The following THSD4 variants were observed in gnomAD, a reference collection of about 807,000 sequenced individuals.
THSD4 encodes the protein thrombospondin type 1 domain containing 4, also known as thrombospondin type-1 domain-containing protein 4.
A neutral mutation model predicts 119.0 loss-of-function variants in THSD4; 69 were observed. The ratio of observed to expected loss-of-function variants is 0.58; its 90% confidence interval spans 0.48 to 0.71. THSD4 has a LOEUF of 0.71. THSD4 is among the 30% of genes least tolerant of loss of function. The pLI is 0.00. For missense variants in THSD4, 1,393 were observed against 1,391.1 expected (o/e 1.00, Z -0.02); for synonymous variants, 524 against 540.4 (o/e 0.97, Z 0.42).
chr15:71,264,950 G>T, intron 6 of THSD4, among the ~76,000 whole-genome samples: 1 of 152,196 alleles, frequency 6.6e-6, no homozygotes, highest in African/African-American at 2.4e-5. Context: ...AACCCCCAGC[G>T]TATTTGAAGA....
chr15:71,376,390 C>T (rs1275297818), intron 6 of THSD4, among the ~76,000 whole-genome samples: 1 of 152,168 alleles, frequency 6.6e-6, no homozygotes, highest in African/African-American at 2.4e-5. Context: ...GATTGAGTCT[C>T]CCACACCAGT....
chr15:71,445,629 G>A (rs373612787), intron 7 of THSD4, among the ~76,000 whole-genome samples: 1 of 152,170 alleles, frequency 6.6e-6, no homozygotes, highest in Non-Finnish European at 1.5e-5. Context: ...TTGACAGGAG[G>A]TTCTCTGTTT....
At chr15:71,163,804 A>G (rs542212727) in intron 3 of THSD4, among the ~76,000 whole-genome samples, 2,870 of 150,400 alleles carry the variant, frequency 0.019, 89 homozygotes, top group African/African-American at 0.067. Context: ...CTTCACTGAG[A>G]CTAATGTCAA....
chr15:71,301,156 C>T (rs2140337609), intron 6 of THSD4, among the ~76,000 whole-genome samples: 1 of 152,184 alleles, frequency 6.6e-6, no homozygotes, highest in South Asian at 2.1e-4. Context: ...GAAATAGAGA[C>T]TAAAAGCAAG....
chr15:71,622,096 G>A lies in THSD4; in HGVS notation c.1153-38434G>A, dbSNP rs149374164. 5.4e-3 allele frequency among the ~76,000 whole-genome samples: 829 copies of A among 152,224 alleles called. 6 individuals are homozygous for A. The highest frequency in any genetic ancestry group is 9.2e-3 in the Non-Finnish European group (629 of 68,016). On this transcript the variant is annotated intron_variant, in intron 7 of 17. Coordinates refer to ENST00000261862, the MANE Select transcript of THSD4 (RefSeq NM_024817.3). The stretch of plus-strand genomic sequence containing the variant: ...AAGCAATTCCCGATGCCAAAAGTTG[G>A]GATCAGTTATCCAAAGGGCTGTATT...
At chr15:71,196,899 A>G (rs1283104946) in intron 3 of THSD4, among the ~76,000 whole-genome samples, 1 of 152,178 alleles carries the variant, frequency 6.6e-6, no homozygotes, top group Non-Finnish European at 1.5e-5. Flanking sequence ...AGTTGGTTCC[A>G]GGTGGATTGT....
intron 4 of THSD4, 25 bp downstream of exon 4, chr15:71,215,424 C>A (rs1191562180): frequency 2.7e-6 from 4 of 1,497,712 alleles, no homozygotes; most frequent in Non-Finnish European, 3.5e-6. Flanking sequence ...TTGTCTGTGC[C>A]GCTCCCCGTC....
At chr15:71,257,172 G>A (rs2044327594) in intron 6 of THSD4, among the ~76,000 whole-genome samples, 1 of 152,148 alleles carries the variant, frequency 6.6e-6, no homozygotes, top group South Asian at 2.1e-4. Context: ...TGATTCCAAA[G>A]ATAATAGTAG....
intron 6 of THSD4, among the ~76,000 whole-genome samples, chr15:71,372,659 C>T (rs545900450): frequency 2.0e-5 from 3 of 152,230 alleles, no homozygotes; most frequent in Non-Finnish European, 4.4e-5. Context: ...CAGAGGGGTA[C>T]CTGGCCGTGT....
intron 4 of THSD4, among the ~76,000 whole-genome samples, chr15:71,229,019 G>A (rs557125713): frequency 2.0e-5 from 3 of 152,182 alleles, no homozygotes; most frequent in Non-Finnish European, 2.9e-5. Context: ...CCATTTTCCA[G>A]TAAGTCCTCA....
At chr15:71,307,278 C>A (rs796904610) in intron 6 of THSD4, among the ~76,000 whole-genome samples, 1 of 152,162 alleles carries the variant, frequency 6.6e-6, no homozygotes, top group Non-Finnish European at 1.5e-5. Context: ...ATAGTTATGG[C>A]GGTGGCTGTG....
At chr15:71,106,605 T>G (rs947166053) in intron 1 of THSD4, among the ~76,000 whole-genome samples, 1 of 152,306 alleles carries the variant, frequency 6.6e-6, no homozygotes, top group Middle Eastern at 3.4e-3. Context: ...TCTGATCACT[T>G]TACCATTGCC....
At chr15:71,483,825 C>T (rs187010066) in intron 7 of THSD4, among the ~76,000 whole-genome samples, 4 of 151,534 alleles carry the variant, frequency 2.6e-5, no homozygotes, top group African/African-American at 9.7e-5. Flanking sequence ...TCAGCTCCCA[C>T]TTGTAAGTGA....
intron 7 of THSD4, among the ~76,000 whole-genome samples, chr15:71,577,968 T>C (rs1463408119): frequency 6.6e-6 from 1 of 151,040 alleles, no homozygotes; most frequent in Non-Finnish European, 1.5e-5. Context: ...GATGATCCGA[T>C]GGAGGGAGGC....
Position 71,737,856 on chromosome 15 carries a change from G to A in THSD4, c.1755G>A (p.Ser585=), listed in dbSNP as rs748329589. The change falls in exon 11 of 18, where the codon TCG becomes TCA. Residue 585 remains serine (S), a synonymous_variant. Coordinates refer to ENST00000261862, the MANE Select transcript of THSD4 (RefSeq NM_024817.3). ...GEAPEMFTSE[S]AQTFPVRHPD... is the part of the protein sequence containing the mutation. ...CCCCTGAGATGTTCACCTCAGAATC[G>A]GCACAGACCTTCCCAGTCAGGCATC... is the stretch of plus-strand genomic sequence containing the variant. 6.2e-7 allele frequency: 1 copy of A among 1,614,214 alleles called. No homozygotes were observed. The highest frequency in any genetic ancestry group is 1.3e-5 in the African/African-American group (1 of 75,062).
chr15:71,625,884 A>G (rs1345123678), intron 7 of THSD4, among the ~76,000 whole-genome samples: 1 of 152,198 alleles, frequency 6.6e-6, no homozygotes, highest in Non-Finnish European at 1.5e-5. Context: ...CTGGCAGTCC[A>G]TAATCCTGTT....
intron 11 of THSD4, among the ~76,000 whole-genome samples, chr15:71,743,470 A>C (rs146486608): frequency 6.6e-6 from 1 of 152,354 alleles, no homozygotes; most frequent in East Asian, 1.9e-4. Flanking sequence ...ATTCACCTTT[A>C]TAACTGCACA....
At chr15:71,567,337 G>A (rs868060557) in intron 7 of THSD4, among the ~76,000 whole-genome samples, 2 of 152,116 alleles carry the variant, frequency 1.3e-5, no homozygotes, top group African/African-American at 4.8e-5. Flanking sequence ...CACCAGCAGA[G>A]GACAGAGGAA....
chr15:71,250,908 C>T (rs2044253133), intron 5 of THSD4, among the ~76,000 whole-genome samples: 1 of 151,986 alleles, frequency 6.6e-6, no homozygotes, highest in Non-Finnish European at 1.5e-5. Context: ...ACATTATGAA[C>T]TTCCTTGGAT....
Sources: allele counts gnomAD v4.1 joint callset (sites outside exome capture counted in the v4.1 genomes callset), GRCh38; gene constraint gnomAD v4.1.1; transcripts MANE v1.5; gene names NCBI Gene and HGNC (gene_info 2026-07-23, HGNC 2026-07-21).